PTPN3: variants seen among roughly 807,000 people sequenced by gnomAD.
The protein encoded by PTPN3 is protein tyrosine phosphatase non-receptor type 3, also known as tyrosine-protein phosphatase non-receptor type 3.
Under a neutral mutation model 132.7 loss-of-function variants are expected in PTPN3, and 96 were observed. The observed-to-expected ratio is 0.72, with a 90% CI of 0.61 to 0.86. The LOEUF is 0.86. Ranked by LOEUF, PTPN3 falls within the 40% of genes least tolerant of loss-of-function variation. PTPN3 has a pLI of 0.00. For synonymous variants in PTPN3, 398 were observed against 429.0 expected (o/e 0.93, Z 0.89); for missense variants, 1,125 against 1,159.6 (o/e 0.97, Z 0.43).
rs1251828625 is a variant in PTPN3, at chr9:109,436,870, C to A, written c.675+13G>T. The A allele has an allele frequency of 1.2e-6, 2 of 1,606,776 alleles. No individual in the cohort carries two copies. On this transcript the variant is annotated intron_variant, in intron 9 of 25. Coordinates refer to ENST00000374541, the MANE Select transcript of PTPN3 (RefSeq NM_002829.4). Reference sequence around the variant, plus strand: ...ACATAATGTTTGAGCCAAGACATAACAAGAATACATACCCTACCACTGTGC... The same window carrying A: ...ACATAATGTTTGAGCCAAGACATAAAAAGAATACATACCCTACCACTGTGC...
intron 25 of PTPN3, among the ~76,000 whole-genome samples, chr9:109,380,153 T>A (rs1461644435): frequency 6.6e-6 from 1 of 152,158 alleles, no homozygotes; most frequent in East Asian, 1.9e-4. Flanking sequence ...CTAAGAAACA[T>A]ATTGTAGCAA....
At chr9:109,478,842 C>T (rs1564478403) in intron 1 of PTPN3, among the ~76,000 whole-genome samples, 1 of 152,186 alleles carries the variant, frequency 6.6e-6, no homozygotes, top group South Asian at 2.1e-4. Context: ...AAAGAGGGGA[C>T]CAGGCTTCGC....
chr9:109,494,589 T>C (rs1225162921), intron 1 of PTPN3, among the ~76,000 whole-genome samples: 1 of 152,214 alleles, frequency 6.6e-6, no homozygotes, highest in East Asian at 1.9e-4. Flanking sequence ...GCCTTGAAGT[T>C]AGAACTAACT....
At chr9:109,427,216 C>G in intron 11 of PTPN3, 94 bp from the exon 12 acceptor site, 1 of 1,343,816 alleles carries the variant, frequency 7.4e-7, no homozygotes, top group South Asian at 1.4e-5. Flanking sequence ...AGGTAAGATG[C>G]AACAGACAGC....
At chr9:109,457,097 T>A in intron 4 of PTPN3, 76 bp downstream of exon 4, 1 of 1,486,928 alleles carries the variant, frequency 6.7e-7, no homozygotes, top group Non-Finnish European at 9.3e-7. Context: ...TCACAGGCAC[T>A]GACGATTGGA....
At chr9:109,485,518 T>C (rs865872804) in intron 1 of PTPN3, among the ~76,000 whole-genome samples, 2 of 150,972 alleles carry the variant, frequency 1.3e-5, no homozygotes, top group Non-Finnish European at 3.0e-5. Context: ...AAGAAAAAAA[T>C]AAATAAATAA....
intron 7 of PTPN3, among the ~76,000 whole-genome samples, chr9:109,440,833 CTCCCTGTGGGGTGGTTT>C (rs1844409728): frequency 1.3e-5 from 2 of 152,240 alleles, no homozygotes; most frequent in South Asian, 4.1e-4. Context: ...ACCAATGAGC[CTCCCTGTGGGGTGGTTT>C]TCCCTTTAAA....
chr9:109,432,389 C>T (rs1156690157), intron 10 of PTPN3, among the ~76,000 whole-genome samples: 1 of 152,114 alleles, frequency 6.6e-6, no homozygotes, highest in Non-Finnish European at 1.5e-5. Context: ...ATCTGCATCT[C>T]CTGCCGTCTA....
the PTPN3 span, among the ~76,000 whole-genome samples, chr9:109,510,558 T>TAAAA: frequency 1.4e-3 from 101 of 74,128 alleles, 1 homozygote; most frequent in African/African-American, 4.1e-3. Context: ...AACTTTGTCT[T>TAAAA]AAAAAAAAAA....
At chr9:109,475,875 G>C (rs1269539976) in intron 1 of PTPN3, among the ~76,000 whole-genome samples, 1 of 152,212 alleles carries the variant, frequency 6.6e-6, no homozygotes, top group African/African-American at 2.4e-5. Flanking sequence ...TCTGAAGCCA[G>C]TGGTAGTCCG....
intron 5 of PTPN3, among the ~76,000 whole-genome samples, chr9:109,452,943 GCT>G (rs913023035): frequency 1.6e-4 from 24 of 152,142 alleles, no homozygotes; most frequent in African/African-American, 5.3e-4. Flanking sequence ...TTCATCACCA[GCT>G]CTGTGTCCGT....
At chr9:109,448,316 G>T (rs1844997416) in intron 6 of PTPN3, among the ~76,000 whole-genome samples, 1 of 152,162 alleles carries the variant, frequency 6.6e-6, no homozygotes, top group Admixed American at 6.5e-5. Context: ...GTCAAGAAAA[G>T]GAGGTAGCTC....
At chr9:109,391,616 G>A in intron 19 of PTPN3, 55 bp from the exon 20 acceptor site, 1 of 1,406,718 alleles carries the variant, frequency 7.1e-7, no homozygotes, top group Admixed American at 1.8e-5. Flanking sequence ...TGAAGAAAGT[G>A]TGAAAACATA....
At chr9:109,436,564 C>T (rs894215065) in intron 9 of PTPN3, among the ~76,000 whole-genome samples, 4 of 152,036 alleles carry the variant, frequency 2.6e-5, no homozygotes, top group South Asian at 2.1e-4. Context: ...CTCCTTAAAC[C>T]GTCACCTGAA....
At chr9:109,450,283 A>G in intron 5 of PTPN3, 2 of 985,404 alleles carry the variant, frequency 2.0e-6, no homozygotes, top group Non-Finnish European at 2.4e-6. Flanking sequence ...ACCTAGGAGA[A>G]CATCATCAGT....
chr9:109,515,531 G>GTTA, the PTPN3 span, among the ~76,000 whole-genome samples: 1 of 152,154 alleles, frequency 6.6e-6, no homozygotes, highest in South Asian at 2.1e-4. Context: ...GCCCAACTGT[G>GTTA]TTAATCCATT....
chr9:109,471,435 G>T (rs1846374417), intron 1 of PTPN3, among the ~76,000 whole-genome samples: 1 of 152,128 alleles, frequency 6.6e-6, no homozygotes, highest in African/African-American at 2.4e-5. Context: ...ACCACTTGCT[G>T]CAGAGATCAT....
chr9:109,450,985 A>T, intron 5 of PTPN3: 2 of 983,198 alleles, frequency 2.0e-6, no homozygotes, highest in Non-Finnish European at 2.4e-6. Context: ...GGGGTAAGAT[A>T]ACTATGTTCC....
chr9:109,408,926 C>T (rs1189462509), intron 16 of PTPN3, among the ~76,000 whole-genome samples: 2 of 148,386 alleles, frequency 1.3e-5, no homozygotes, highest in Admixed American at 6.7e-5. Flanking sequence ...GGGGGCACAC[C>T]CTGTGAGCGC....
Sources: gnomAD v4.1 joint callset for allele counts (sites outside exome capture counted in the v4.1 genomes callset) on GRCh38, gnomAD v4.1.1 for gene constraint, MANE v1.5 for transcripts, NCBI Gene and HGNC (gene_info 2026-07-23, HGNC 2026-07-21) for gene names.